The following SMAP1 variants were observed in gnomAD, a reference collection of about 807,000 sequenced individuals.
SMAP1 encodes the protein small ArfGAP 1, also known as stromal membrane-associated protein 1.
In SMAP1, 24 loss-of-function variants were observed where a neutral mutation model predicts 58.5. The observed-to-expected ratio is 0.41, with a 90% CI of 0.30 to 0.58. The LOEUF is 0.58. Ranked by LOEUF, SMAP1 falls within the 20% of genes least tolerant of loss-of-function variation. SMAP1 has a pLI of 0.29. For missense variants in SMAP1, 563 were observed against 566.3 expected (o/e 0.99, Z 0.06); for synonymous variants, 216 against 196.6 (o/e 1.10, Z -0.82).
chr6:70,817,140 T>A (rs116707802), intron 6 of SMAP1, among the ~76,000 whole-genome samples: 11,290 of 140,706 alleles, frequency 0.08, 501 homozygotes, highest in African/African-American at 0.14. Flanking sequence ...ATATATATAT[T>A]TTTTTTTTGC....
intron 6 of SMAP1, among the ~76,000 whole-genome samples, chr6:70,816,017 ACT>A (rs896178528): frequency 2.0e-5 from 3 of 152,068 alleles, no homozygotes; most frequent in African/African-American, 4.8e-5. Context: ...ATGATAAATA[ACT>A]CTAGCAAAAG....
At chr6:70,761,705 A>G (rs1186591545) in intron 3 of SMAP1, among the ~76,000 whole-genome samples, 1 of 152,078 alleles carries the variant, frequency 6.6e-6, no homozygotes, top group African/African-American at 2.4e-5. Flanking sequence ...AAATAACACT[A>G]TGTACCATCT....
chr6:70,673,432 T>C (rs116675680), intron 1 of SMAP1, among the ~76,000 whole-genome samples: 6 of 152,346 alleles, frequency 3.9e-5, no homozygotes, highest in African/African-American at 1.4e-4. Flanking sequence ...TACCTTGCCT[T>C]CAAGGGAGTC....
chr6:70,732,346 G>T, intron 1 of SMAP1, 32 bp from the exon 2 acceptor site: 4 of 1,585,338 alleles, frequency 2.5e-6, no homozygotes, highest in African/African-American at 1.4e-5. Flanking sequence ...TTTAACATTT[G>T]CTTTTTTTTG....
intron 6 of SMAP1, among the ~76,000 whole-genome samples, chr6:70,820,039 G>A (rs1562184075): frequency 6.6e-6 from 1 of 152,126 alleles, no homozygotes; most frequent in Non-Finnish European, 1.5e-5. Flanking sequence ...CCTCGGTTCT[G>A]AGCCTGACTA....
At chr6:70,834,831 C>T (rs958158959) in intron 6 of SMAP1, among the ~76,000 whole-genome samples, 4 of 152,052 alleles carry the variant, frequency 2.6e-5, no homozygotes, top group Admixed American at 6.6e-5. Context: ...TTTTGCTAAG[C>T]AAGATAAGTC....
chr6:70,729,964 T>C (rs1380353505), intron 1 of SMAP1, among the ~76,000 whole-genome samples: 1 of 152,118 alleles, frequency 6.6e-6, no homozygotes, highest in Non-Finnish European at 1.5e-5. Context: ...GAATTAAGAG[T>C]CTTCATTTTC....
At chr6:70,720,714 C>T (rs1304168869) in intron 1 of SMAP1, among the ~76,000 whole-genome samples, 2 of 152,272 alleles carry the variant, frequency 1.3e-5, no homozygotes, top group East Asian at 3.9e-4. Context: ...TGGAAGCTGC[C>T]AAGGTTTGGG....
chr6:70,766,181 T>A (rs1260627262), intron 3 of SMAP1, among the ~76,000 whole-genome samples: 2 of 152,214 alleles, frequency 1.3e-5, no homozygotes, highest in East Asian at 1.9e-4. Flanking sequence ...GTCTTTGCTA[T>A]TGTGAATAGT....
In SMAP1 at chr6:70,786,131, C is replaced by T. The variant is rs374218241; in HGVS notation, c.415-5558C>T. Reference sequence around the variant, plus strand: ...GATCAAGTGGGCTTCATCCCTGGGACGCAAGGCTGGTTCAATATACACAAA... The same window carrying T: ...GATCAAGTGGGCTTCATCCCTGGGATGCAAGGCTGGTTCAATATACACAAA... On this transcript the variant is annotated intron_variant, in intron 4 of 10. Coordinates refer to ENST00000370455, the MANE Select transcript of SMAP1 (RefSeq NM_001044305.3). 2.2e-3 allele frequency among the ~76,000 whole-genome samples: 332 copies of T among 151,680 alleles called. 1 individual carries two copies. Among genetic ancestry groups the T allele is most frequent in the East Asian group, 0.02 (105 of 5,138 alleles).
chr6:70,729,285 A>T (rs535229116), intron 1 of SMAP1, among the ~76,000 whole-genome samples: 1 of 152,134 alleles, frequency 6.6e-6, no homozygotes, highest in South Asian at 2.1e-4. Context: ...TAAAAATACA[A>T]AAAATTAGCT....
chr6:70,840,891 G>A (rs906900281), intron 7 of SMAP1, among the ~76,000 whole-genome samples: 1 of 152,152 alleles, frequency 6.6e-6, no homozygotes, highest in Admixed American at 6.5e-5. Flanking sequence ...GAGTATGCAC[G>A]TCCTATGTTA....
At chr6:70,774,290 A>T (rs566889365) in intron 4 of SMAP1, among the ~76,000 whole-genome samples, 18 of 152,268 alleles carry the variant, frequency 1.2e-4, no homozygotes, top group African/African-American at 3.4e-4. Context: ...TTAGTTTTTT[A>T]AAAATTTTCT....
intron 1 of SMAP1, among the ~76,000 whole-genome samples, chr6:70,677,331 T>A (rs1438855795): frequency 6.6e-6 from 1 of 151,506 alleles, no homozygotes; most frequent in African/African-American, 2.4e-5. Context: ...TCTGACTTGC[T>A]TAGTGACCAG....
At chr6:70,731,717 T>C (rs1413620240) in intron 1 of SMAP1, among the ~76,000 whole-genome samples, 1 of 152,256 alleles carries the variant, frequency 6.6e-6, no homozygotes, top group African/African-American at 2.4e-5. Context: ...ATTTGAGATT[T>C]AGCCATGTTG....
chr6:70,815,869 A>T (rs1390227207), intron 6 of SMAP1, among the ~76,000 whole-genome samples: 1 of 152,058 alleles, frequency 6.6e-6, no homozygotes, highest in Non-Finnish European at 1.5e-5. Context: ...AAATCTTGGG[A>T]TTGAATGTAG....
intron 6 of SMAP1, among the ~76,000 whole-genome samples, chr6:70,835,587 G>A (rs565470980): frequency 9.9e-5 from 15 of 152,266 alleles, no homozygotes; most frequent in Non-Finnish European, 2.1e-4. Flanking sequence ...GCTCACTGCA[G>A]CCTTGACCTC....
intron 6 of SMAP1, among the ~76,000 whole-genome samples, chr6:70,810,247 T>C (rs577207331): frequency 6.6e-6 from 1 of 152,278 alleles, no homozygotes; most frequent in African/African-American, 2.4e-5. Flanking sequence ...AAAGGATCCT[T>C]CTGTCTCAGC....
intron 2 of SMAP1, among the ~76,000 whole-genome samples, chr6:70,736,215 T>C (rs754373287): frequency 1.3e-5 from 2 of 152,240 alleles, no homozygotes; most frequent in Non-Finnish European, 1.5e-5. Context: ...AAACTTACTT[T>C]GATTTTTAAT....
Sources: allele counts gnomAD v4.1 joint callset (sites outside exome capture counted in the v4.1 genomes callset), GRCh38; gene constraint gnomAD v4.1.1; transcripts MANE v1.5; gene names NCBI Gene and HGNC (gene_info 2026-07-23, HGNC 2026-07-21).